The following RBFOX1 variants were observed in gnomAD, a reference collection of about 807,000 sequenced individuals.
The protein encoded by RBFOX1 is RNA binding fox-1 homolog 1.
A neutral mutation model predicts 57.7 loss-of-function variants in RBFOX1; 8 were observed. That is an observed-to-expected ratio of 0.14 (90% CI 0.08 to 0.25). The LOEUF (loss-of-function observed/expected upper bound fraction) is 0.25. RBFOX1 is among the 10% of genes least tolerant of loss of function. The probability of loss-of-function intolerance (pLI) is 1.00; values close to 1 mark genes in which losing one functional copy is unlikely to be tolerated. For synonymous variants in RBFOX1, 326 were observed against 222.4 expected, an observed-to-expected ratio of 1.47 and a Z score of -4.15; for missense variants, 611 against 548.5, an observed-to-expected ratio of 1.11 and a Z score of -1.14.
intron 2 of RBFOX1, among the ~76,000 whole-genome samples, chr16:5,527,146 G>C (rs754425644): frequency 4.6e-5 from 7 of 152,182 alleles, no homozygotes; most frequent in African/African-American, 1.2e-4. Flanking sequence ...GAAAATGAAG[G>C]CTTGAGGCTT....
intron 3 of RBFOX1, among the ~76,000 whole-genome samples, chr16:6,780,623 G>A (rs1022829457): frequency 5.1e-5 from 7 of 136,584 alleles, no homozygotes; most frequent in African/African-American, 1.9e-4. Flanking sequence ...TTTTTTAGTT[G>A]TTGGTTTCTT....
intron 3 of RBFOX1, among the ~76,000 whole-genome samples, chr16:5,692,165 C>CTT (rs1390205902): frequency 0.094 from 2,158 of 22,906 alleles, 97 homozygotes; most frequent in African/African-American, 0.11. Context: ...TAGGGACTGA[C>CTT]TGTGTGTGTG....
intron 2 of RBFOX1, among the ~76,000 whole-genome samples, chr16:6,558,177 A>G (rs1000698023): frequency 6.6e-6 from 1 of 152,190 alleles, no homozygotes; most frequent in Non-Finnish European, 1.5e-5. Context: ...AGTGCGATAG[A>G]GCTGGAGCGT....
intron 1 of RBFOX1, among the ~76,000 whole-genome samples, chr16:5,242,224 T>A (rs1159170828): frequency 2.6e-5 from 4 of 152,146 alleles, no homozygotes; most frequent in Non-Finnish European, 5.9e-5. Context: ...TAATGAAATA[T>A]TTAAAAGGCA....
intron 14 of RBFOX1, among the ~76,000 whole-genome samples, chr16:7,697,168 G>C (rs973988259): frequency 1.3e-5 from 2 of 152,164 alleles, no homozygotes; most frequent in Admixed American, 1.3e-4. Flanking sequence ...GCAATGGGGG[G>C]GCCCTTACAG....
In RBFOX1 at chr16:6,654,668, AT is replaced by A; in HGVS notation, c.-16+23del. ...ACAGAAAGGTGAGTCAATATTTTTCATTTTTAGGGTTGCAAACAAAACAAGA... is the reference window on the plus strand; with the variant it reads ...ACAGAAAGGTGAGTCAATATTTTTCATTTTAGGGTTGCAAACAAAACAAGA... On this transcript the variant is annotated intron_variant, in intron 3 of 15. Transcript: ENST00000550418. 1.3e-6 allele frequency: 2 copies of A among 1,500,834 alleles called. No homozygotes were observed. The highest frequency in any genetic ancestry group is 1.4e-5 in the African/African-American group (1 of 70,842). 93.0% of individuals were successfully genotyped at this position (1,500,834 alleles called of 1,614,324 possible). A position where few individuals can be genotyped will look rare whatever the true frequency, so the allele number is the denominator to read the frequency against.
At chr16:6,611,895 C>T (rs1172175936) in intron 2 of RBFOX1, among the ~76,000 whole-genome samples, 6 of 152,132 alleles carry the variant, frequency 3.9e-5, no homozygotes, top group African/African-American at 1.4e-4. Context: ...TCTCTGAAGA[C>T]ACCTCCTCTT....
intron 3 of RBFOX1, among the ~76,000 whole-genome samples, chr16:6,742,980 C>T (rs969763538): frequency 6.6e-5 from 10 of 152,060 alleles, no homozygotes; most frequent in Non-Finnish European, 1.5e-4. Context: ...ATGTCAATAT[C>T]ATATAGTACA....
chr16:6,480,188 T>C (rs528129946), intron 2 of RBFOX1, among the ~76,000 whole-genome samples: 2 of 152,234 alleles, frequency 1.3e-5, no homozygotes, highest in Admixed American at 6.5e-5. Context: ...AGAACACTTA[T>C]GTACTGGCTT....
At chr16:6,169,751 G>A (rs1440091572) in intron 1 of RBFOX1, among the ~76,000 whole-genome samples, 1 of 152,124 alleles carries the variant, frequency 6.6e-6, no homozygotes, top group African/African-American at 2.4e-5. Context: ...ACAGGCACAT[G>A]CTCCTAAGTT....
intron 2 of RBFOX1, among the ~76,000 whole-genome samples, chr16:5,553,540 C>G (rs2045549833): frequency 6.6e-6 from 1 of 152,102 alleles, no homozygotes; most frequent in African/African-American, 2.4e-5. Context: ...TGGTCTCAAT[C>G]TCCTGACTTC....
chr16:7,149,483 CTTT>C (rs60001454), intron 4 of RBFOX1, among the ~76,000 whole-genome samples: 19,769 of 122,050 alleles, frequency 0.16, 1,675 homozygotes, highest in Non-Finnish European at 0.21. Context: ...TCTTTCTTTC[CTTT>C]TTTTTTTTTT....
chr16:6,590,297 C>T (rs556565602), intron 2 of RBFOX1, among the ~76,000 whole-genome samples: 10 of 152,274 alleles, frequency 6.6e-5, no homozygotes, highest in Admixed American at 3.3e-4. Flanking sequence ...CTAAGAAAGT[C>T]CTTAGCCAAA....
At chr16:7,088,301 G>A (rs1311407156) in intron 4 of RBFOX1, among the ~76,000 whole-genome samples, 2 of 152,142 alleles carry the variant, frequency 1.3e-5, no homozygotes, top group Non-Finnish European at 2.9e-5. Flanking sequence ...ACTGCTCTGA[G>A]TAGTGATGGC....
At chr16:7,347,587 A>G (rs933145817) in intron 4 of RBFOX1, among the ~76,000 whole-genome samples, 2 of 152,096 alleles carry the variant, frequency 1.3e-5, no homozygotes, top group African/African-American at 4.8e-5. Flanking sequence ...ATTATCGAGC[A>G]TTATCCAGAA....
At position 5,591,368 on chromosome 16, in the gene RBFOX1, C is replaced by T. The variant is rs138473107; in HGVS notation, c.259-7534C>T. Among the ~76,000 whole-genome samples the T allele has an allele frequency of 5.0e-3, 766 of 151,990 alleles. 4 individuals are homozygous for T. The highest frequency in any genetic ancestry group is 0.017 in the African/African-American group (723 of 41,392). ...CTGGGTTCAAGTGATTCTCCTGCCTCAGCCTCCCTAGTAGCTGGGACTACA... is the reference window on the plus strand; with the variant it reads ...CTGGGTTCAAGTGATTCTCCTGCCTTAGCCTCCCTAGTAGCTGGGACTACA... On this transcript the variant is annotated intron_variant, in intron 2 of 2. Coordinates refer to the RBFOX1 transcript ENST00000585867.
At chr16:5,624,147 A>T (rs373546821) in intron 3 of RBFOX1, among the ~76,000 whole-genome samples, 38 of 152,320 alleles carry the variant, frequency 2.5e-4, no homozygotes, top group African/African-American at 8.7e-4. Context: ...TAATACTCGA[A>T]GGTTTCAAAG....
At chr16:6,720,885 C>A (rs1200202706) in intron 3 of RBFOX1, among the ~76,000 whole-genome samples, 1 of 152,112 alleles carries the variant, frequency 6.6e-6, no homozygotes, top group Non-Finnish European at 1.5e-5. Context: ...CACAATCCAT[C>A]CATTTTACCT....
In RBFOX1 at chr16:6,855,817, T is replaced by TCCTCCTTCCCTCCCTCCTTCCCTC. The variant is rs956007132; in HGVS notation, c.-15-196235_-15-196212dup. Among the ~76,000 whole-genome samples, 15 of 113,040 alleles carry TCCTCCTTCCCTCCCTCCTTCCCTC rather than the reference T, an allele frequency of 1.3e-4. No homozygotes were observed. The South Asian group carries it at 2.1e-3, about 16-fold the overall frequency. The allele number at this position is 113,040 out of a possible 152,430, so 74.2% of individuals were successfully genotyped here. Reference sequence around the variant, plus strand: ...TGATAAATTTCCTTCTTCCCTTCCTTCCTCCTTCCCTCCCTCCTTCCCTCC... The same window carrying TCCTCCTTCCCTCCCTCCTTCCCTC: ...TGATAAATTTCCTTCTTCCCTTCCTTCCTCCTTCCCTCCCTCCTTCCCTCCCTCCTTCCCTCCCTCCTTCCCTCC... On this transcript the variant is annotated intron_variant, in intron 3 of 15. Transcript: ENST00000550418.
Sources: allele counts gnomAD v4.1 joint callset (sites outside exome capture counted in the v4.1 genomes callset), GRCh38; gene constraint gnomAD v4.1.1; transcripts MANE v1.5; gene names NCBI Gene and HGNC (gene_info 2026-07-23, HGNC 2026-07-21).